The following TRIQK variants were observed in gnomAD, a reference collection of about 807,000 sequenced individuals.
TRIQK encodes triple QxxK/R motif containing.
Under a neutral mutation model 10.8 loss-of-function variants are expected in TRIQK, and 10 were observed. The observed-to-expected ratio is 0.92, with a 90% CI of 0.57 to 1.57. The LOEUF is 1.57. TRIQK is among the 40% of genes most tolerant of loss of function. The probability of loss-of-function intolerance (pLI) is 0.00; values close to 1 mark genes in which losing one functional copy is unlikely to be tolerated. For synonymous variants in TRIQK, 33 were observed against 33.7 expected, an observed-to-expected ratio of 0.98 and a Z score of 0.07; for missense variants, 107 against 97.7, an observed-to-expected ratio of 1.09 and a Z score of -0.40.
chr8:92,925,083 T>A (rs1355661343), intron 2 of TRIQK, among the ~76,000 whole-genome samples: 3 of 152,152 alleles, frequency 2.0e-5, no homozygotes, highest in African/African-American at 7.2e-5. Flanking sequence ...TAAAAAGTCA[T>A]GTTCCAGAAA....
intron 1 of TRIQK, among the ~76,000 whole-genome samples, chr8:93,014,401 A>G (rs532759761): frequency 6.6e-6 from 1 of 152,218 alleles, no homozygotes; most frequent in South Asian, 2.1e-4. Flanking sequence ...TGCTATATGA[A>G]CAACTATGAG....
At chr8:92,951,680 A>G (rs919844115) in intron 2 of TRIQK, among the ~76,000 whole-genome samples, 4 of 152,102 alleles carry the variant, frequency 2.6e-5, no homozygotes, top group African/African-American at 4.8e-5. Flanking sequence ...AAAAGGAACC[A>G]TTTTGAAATA....
At chr8:93,002,293 C>T (rs751889878) in intron 1 of TRIQK, among the ~76,000 whole-genome samples, 15 of 151,978 alleles carry the variant, frequency 9.9e-5, no homozygotes, top group Admixed American at 7.9e-4. Flanking sequence ...GAAATAAAGA[C>T]TACAAAAACA....
At chr8:92,964,450 GTATATATATATATC>G (rs1812624363) in intron 1 of TRIQK, among the ~76,000 whole-genome samples, 1 of 127,336 alleles carries the variant, frequency 7.9e-6, no homozygotes, top group African/African-American at 2.8e-5. Flanking sequence ...ATCTTTTCAG[GTATATATATATATC>G]TATATATATA....
chr8:92,896,609 C>T (rs950592813), intron 3 of TRIQK, among the ~76,000 whole-genome samples: 2 of 152,114 alleles, frequency 1.3e-5, no homozygotes, highest in Non-Finnish European at 2.9e-5. Context: ...TGCCTGAGGC[C>T]TTAGGGGCCC....
In TRIQK at chr8:92,927,188, C is replaced by T. The variant is rs556719522; in HGVS notation, c.-21-10178G>A. Among the ~76,000 whole-genome samples, 653 of 152,012 alleles carry T rather than the reference C, an allele frequency of 4.3e-3. 3 individuals are homozygous for T. The highest frequency in any genetic ancestry group is 0.02 in the Middle Eastern group (6 of 294). On this transcript the variant is annotated intron_variant, in intron 2 of 4. Transcript: ENST00000521988. ...CTGATTGCAAATAATATTTTTCTTTCTGAGTGCTTAGCTACCTAGTGCTGA... is the reference window on the plus strand; with the variant it reads ...CTGATTGCAAATAATATTTTTCTTTTTGAGTGCTTAGCTACCTAGTGCTGA...
At chr8:92,911,766 T>G (rs1705145187) in intron 3 of TRIQK, among the ~76,000 whole-genome samples, 1 of 150,426 alleles carries the variant, frequency 6.6e-6, no homozygotes, top group Non-Finnish European at 1.5e-5. Flanking sequence ...TATGCATATG[T>G]GTACATAAAT....
intron 2 of TRIQK, among the ~76,000 whole-genome samples, chr8:92,952,528 A>G (rs917917707): frequency 6.6e-6 from 1 of 151,956 alleles, no homozygotes; most frequent in Non-Finnish European, 1.5e-5. Context: ...AGAAAAAGAG[A>G]TAAGAACAGA....
chr8:92,960,714 C>T (rs1018477980), intron 1 of TRIQK: 3 of 152,274 alleles, frequency 2.0e-5, no homozygotes, highest in Middle Eastern at 3.4e-3. Flanking sequence ...GAGCAGCCTC[C>T]AGAAACTACA....
chr8:92,970,157 T>C (rs1586517992), upstream of TRIQK, among the ~76,000 whole-genome samples: 1 of 152,208 alleles, frequency 6.6e-6, no homozygotes, highest in Admixed American at 6.5e-5. Context: ...TATTCCATGG[T>C]GTATATGTAC....
intron 1 of TRIQK, among the ~76,000 whole-genome samples, chr8:93,004,250 T>C (rs1813244690): frequency 6.6e-6 from 1 of 152,208 alleles, no homozygotes; most frequent in Non-Finnish European, 1.5e-5. Context: ...CCTCAGCTCC[T>C]GCCTTCTGCA....
At chr8:92,903,985 C>G (rs1253378505) in intron 3 of TRIQK, among the ~76,000 whole-genome samples, 2 of 151,894 alleles carry the variant, frequency 1.3e-5, no homozygotes, top group Non-Finnish European at 2.9e-5. Flanking sequence ...CAAAGGAGTC[C>G]TCCTTAATAA....
At chr8:92,967,494 G>A (rs561880515), upstream of TRIQK, among the ~76,000 whole-genome samples, 1 of 152,202 alleles carries the variant, frequency 6.6e-6, no homozygotes, top group Admixed American at 6.5e-5. Flanking sequence ...TGATTTGTAT[G>A]ACTCAGAGTC....
intron 1 of TRIQK, among the ~76,000 whole-genome samples, chr8:93,010,917 T>C (rs1813325046): frequency 6.6e-6 from 1 of 152,156 alleles, no homozygotes; most frequent in African/African-American, 2.4e-5. Flanking sequence ...ATTATGCTAT[T>C]TGAAAGAAGA....
At chr8:93,000,368 A>G (rs1445905094) in intron 1 of TRIQK, among the ~76,000 whole-genome samples, 1 of 152,226 alleles carries the variant, frequency 6.6e-6, no homozygotes, top group East Asian at 1.9e-4. Flanking sequence ...CAGAAGGTGA[A>G]GAAAGATCAA....
At chr8:92,928,921 G>A (rs938441480) in intron 2 of TRIQK, among the ~76,000 whole-genome samples, 2 of 152,178 alleles carry the variant, frequency 1.3e-5, no homozygotes, top group African/African-American at 4.8e-5. Flanking sequence ...AGTTAACTAA[G>A]TAGGCTAGAA....
intron 2 of TRIQK, among the ~76,000 whole-genome samples, chr8:92,942,240 C>G (rs150395639): frequency 6.6e-6 from 1 of 152,116 alleles, no homozygotes; most frequent in Admixed American, 6.6e-5. Flanking sequence ...GATGGTTCAA[C>G]GTATGCAAAT....
At chr8:93,004,825 C>T (rs1458499185) in intron 1 of TRIQK, among the ~76,000 whole-genome samples, 3 of 152,226 alleles carry the variant, frequency 2.0e-5, no homozygotes, top group African/African-American at 7.2e-5. Flanking sequence ...AAGCATAGCA[C>T]AAGTGACCTT....
At chr8:93,006,852 T>C (rs1014521947) in intron 1 of TRIQK, among the ~76,000 whole-genome samples, 10 of 152,072 alleles carry the variant, frequency 6.6e-5, no homozygotes, top group African/African-American at 2.2e-4. Context: ...AAAATTCTGA[T>C]CTCCCTGGGA....
Sources: gnomAD v4.1 joint callset for allele counts (sites outside exome capture counted in the v4.1 genomes callset) on GRCh38, gnomAD v4.1.1 for gene constraint, MANE v1.5 for transcripts, NCBI Gene and HGNC (gene_info 2026-07-23, HGNC 2026-07-21) for gene names.